The following SNED1 variants were observed in gnomAD, a reference collection of about 807,000 sequenced individuals.
SNED1 encodes sushi, nidogen and EGF like domains 1.
In SNED1, 81 loss-of-function variants were observed where a neutral mutation model predicts 166.7. The observed-to-expected ratio is 0.49, with a 90% CI of 0.41 to 0.58. The LOEUF (loss-of-function observed/expected upper bound fraction) is 0.58. Among genes scored for constraint, SNED1 ranks in the 20% least tolerant of loss-of-function variants. The probability of loss-of-function intolerance (pLI) is 0.00; values close to 1 mark genes in which losing one functional copy is unlikely to be tolerated. For missense variants in SNED1, 1,604 were observed against 2,000.2 expected (o/e 0.80, Z 3.78); for synonymous variants, 762 against 822.0 (o/e 0.93, Z 1.25).
Position 240,999,466 on chromosome 2 carries a change from C to T in SNED1, c.213+416C>T, listed in dbSNP as rs746822489. Among the ~76,000 whole-genome samples, 1 of 152,198 alleles carries T rather than the reference C, an allele frequency of 6.6e-6. No homozygotes were observed. The highest frequency in any genetic ancestry group is 1.5e-5 in the Non-Finnish European group (1 of 68,010). On this transcript the variant is annotated intron_variant, in intron 1 of 31. Transcript: ENST00000310397. This position sits in a 1 kb window ranked among gnomAD's most constrained non-coding sequence, Gnocchi z 5.8. Reference sequence around the variant, plus strand: ...GCGCCGGGCCTGCGAAGGTTGCAGCCCCTCCTTGGGCCATTTCAGCCCCGC... The same window carrying T: ...GCGCCGGGCCTGCGAAGGTTGCAGCTCCTCCTTGGGCCATTTCAGCCCCGC...
rs1330933366 is a variant in SNED1 at position 241,051,705 on chromosome 2, C to T, written c.1736-39C>T. On this transcript the variant is annotated intron_variant, in intron 12 of 31. Transcript: ENST00000310397. The surrounding 1 kb of genome is among the most constrained non-coding windows in gnomAD (Gnocchi z 4.7). ...TATAGTGGCTCTGTGGGGCCAGCAGCCTGGCCCCGTTCATCTGCCTCTCTG... is the reference window on the plus strand; with the variant it reads ...TATAGTGGCTCTGTGGGGCCAGCAGTCTGGCCCCGTTCATCTGCCTCTCTG... 4 of 1,391,378 alleles carry T rather than the reference C, an allele frequency of 2.9e-6. No homozygotes were observed. The highest frequency in any genetic ancestry group is 1.5e-5 in the African/African-American group (1 of 68,836). The allele number at this position is 1,391,378 out of a possible 1,614,324, so 86.2% of individuals were successfully genotyped here.
Position 241,075,626 on chromosome 2 carries a change from C to G in SNED1, c.3916+2262C>G, listed in dbSNP as rs1177365028. On this transcript the variant is annotated intron_variant, in intron 27 of 31. Coordinates refer to ENST00000310397, the MANE Select transcript of SNED1 (RefSeq NM_001080437.3). This position sits in a 1 kb window ranked among gnomAD's most constrained non-coding sequence, Gnocchi z 4.8. ...ACTGATCCTTTGTCAGGTCTGTGTT[C>G]TGCAGGTATCTTCCTCCAGCCTCTG... is the stretch of plus-strand genomic sequence containing the variant. The G allele has an allele frequency of 1.3e-5, 2 of 151,872 alleles. No homozygotes were observed. Among genetic ancestry groups the G allele is most frequent in the Admixed American group, 1.3e-4 (2 of 15,248 alleles). 9.4% of individuals were successfully genotyped at this position (151,872 alleles called of 1,614,324 possible).
Position 241,093,507 on chromosome 2 carries a change from A to G in SNED1, c.*1871A>G, listed in dbSNP as rs1360923256. On this transcript the variant is annotated 3_prime_UTR_variant, in exon 32 of 32. Coordinates refer to ENST00000310397, the MANE Select transcript of SNED1 (RefSeq NM_001080437.3). ...TCCTGAGTCCCAAGCTTGGTGCCACACAGCAAATGCTAATATGCTCCAGTG... is the reference window on the plus strand; with the variant it reads ...TCCTGAGTCCCAAGCTTGGTGCCACGCAGCAAATGCTAATATGCTCCAGTG... The G allele has an allele frequency of 9.2e-6, 1 of 108,462 alleles. No individual in the cohort carries two copies. The highest frequency in any genetic ancestry group is 4.0e-4 in the East Asian group (1 of 2,482). 6.7% of individuals were successfully genotyped at this position (108,462 alleles called of 1,614,324 possible).
intron 27 of SNED1, chr2:241,074,441 G>A (rs1461138741): frequency 1.3e-5 from 2 of 152,220 alleles, no homozygotes; most frequent in Non-Finnish European, 2.9e-5. Context: ...TGATCTTTAA[G>A]TGAACTAAAA....
At chr2:241,032,681 G>A (rs1379135762) in intron 2 of SNED1, among the ~76,000 whole-genome samples, 1 of 152,214 alleles carries the variant, frequency 6.6e-6, no homozygotes, top group African/African-American at 2.4e-5. Context: ...TTGCACCCCA[G>A]CTGTCATTTT....
chr2:241,045,353 T>C (rs565363574), intron 8 of SNED1, among the ~76,000 whole-genome samples: 3 of 152,280 alleles, frequency 2.0e-5, no homozygotes, highest in African/African-American at 7.2e-5. Context: ...CAAAACAATT[T>C]TGATGAAGAA....
intron 21 of SNED1, among the ~76,000 whole-genome samples, chr2:241,067,557 C>T (rs540446657): frequency 3.9e-5 from 6 of 152,312 alleles, no homozygotes; most frequent in Non-Finnish European, 8.8e-5. Context: ...CCGTCATGCT[C>T]ACAGCGGGTT....
chr2:241,037,090 G>C (rs1574952076), intron 5 of SNED1, 150 bp from the exon 6 acceptor site: 2 of 1,008,742 alleles, frequency 2.0e-6, no homozygotes. Context: ...TGGCCCCCTG[G>C]AGTGAGCACC....
intron 8 of SNED1, among the ~76,000 whole-genome samples, chr2:241,047,099 C>G (rs537478087): frequency 6.9e-6 from 1 of 144,680 alleles, no homozygotes; most frequent in African/African-American, 2.6e-5. Flanking sequence ...GAGCCGAGAT[C>G]GCGCCACTGC....
At chr2:241,074,293 C>G (rs907415110) in intron 27 of SNED1, 5 of 152,156 alleles carry the variant, frequency 3.3e-5, no homozygotes, top group South Asian at 4.2e-4. Flanking sequence ...ACCATCCCCC[C>G]CCCGCCCTCA....
At chr2:241,001,611 A>G (rs1423634877) in intron 1 of SNED1, among the ~76,000 whole-genome samples, 1 of 152,250 alleles carries the variant, frequency 6.6e-6, no homozygotes, top group African/African-American at 2.4e-5. Flanking sequence ...CCTGCCATGC[A>G]GGAACTGCCA....
intron 4 of SNED1, chr2:241,035,626 G>T (rs966842757): frequency 6.6e-6 from 1 of 152,290 alleles, no homozygotes; most frequent in Admixed American, 6.5e-5. Context: ...TACGAGAGGG[G>T]AGAGGGGCCG....
chr2:241,002,098 G>C (rs575974355), intron 1 of SNED1, among the ~76,000 whole-genome samples: 4 of 152,162 alleles, frequency 2.6e-5, no homozygotes, highest in Non-Finnish European at 4.4e-5. Context: ...TTCACATGCA[G>C]CCTGTGACCT....
intron 16 of SNED1, among the ~76,000 whole-genome samples, chr2:241,054,763 T>G (rs2061993058): frequency 6.6e-6 from 1 of 152,160 alleles, no homozygotes; most frequent in Non-Finnish European, 1.5e-5. Flanking sequence ...GTTAGTGAGT[T>G]GAAAGATCAG....
intron 12 of SNED1, among the ~76,000 whole-genome samples, chr2:241,050,889 C>A (rs897924905): frequency 6.6e-6 from 1 of 152,232 alleles, no homozygotes. Context: ...TACCCAGTGT[C>A]CCTGCCCCAA....
intron 31 of SNED1, chr2:241,089,207 G>T (rs2063750515): frequency 7.9e-7 from 1 of 1,264,202 alleles, no homozygotes; most frequent in Non-Finnish European, 1.1e-6. Context: ...TTATCAACAT[G>T]TCACTGCATG....
chr2:241,053,118 C>T (rs2061932094), intron 15 of SNED1, 35 bp from the exon 16 acceptor site: 1 of 1,588,610 alleles, frequency 6.3e-7, no homozygotes, highest in Non-Finnish European at 8.6e-7. Flanking sequence ...CAGGAAGGCA[C>T]AGGACCGTGC....
chr2:241,017,005 T>C (rs552071383), intron 1 of SNED1, among the ~76,000 whole-genome samples: 1 of 151,970 alleles, frequency 6.6e-6, no homozygotes, highest in South Asian at 2.1e-4. Flanking sequence ...GGCATGCACC[T>C]CCATGCCTGG....
intron 5 of SNED1, 67 bp downstream of exon 5, chr2:241,036,982 T>C: frequency 6.5e-7 from 1 of 1,538,260 alleles, no homozygotes; most frequent in East Asian, 2.4e-5. Flanking sequence ...CACTGTAGGC[T>C]CCGCCAGTGG....
Sources: allele counts gnomAD v4.1 joint callset (sites outside exome capture counted in the v4.1 genomes callset), GRCh38; gene constraint gnomAD v4.1.1; non-coding constraint Gnocchi (gnomAD v3.1); transcripts MANE v1.5; gene names NCBI Gene and HGNC (gene_info 2026-07-23, HGNC 2026-07-21).